The following GRK5 variants were observed in gnomAD, a reference collection of about 807,000 sequenced individuals.
GRK5 encodes g protein-coupled receptor kinase GRK5.
GRK5 carries 40 observed loss-of-function variants against 78.4 expected under a neutral mutation model. The observed-to-expected ratio is 0.51, with a 90% CI of 0.40 to 0.66. The LOEUF (loss-of-function observed/expected upper bound fraction) is 0.66. Ranked by LOEUF, GRK5 falls within the 30% of genes least tolerant of loss-of-function variation. The pLI is 0.00. For synonymous variants in GRK5, 289 were observed against 296.8 expected (o/e 0.97, Z 0.27); for missense variants, 598 against 759.9 (o/e 0.79, Z 2.50).
At chr10:119,215,109 C>T (rs973796373) in intron 1 of GRK5, among the ~76,000 whole-genome samples, 1 of 152,254 alleles carries the variant, frequency 6.6e-6, no homozygotes, top group Admixed American at 6.5e-5. Flanking sequence ...TTAAAGGTAC[C>T]TGTTCCTCTT....
chr10:119,251,453 C>G (rs1849200247), intron 1 of GRK5, among the ~76,000 whole-genome samples: 1 of 152,238 alleles, frequency 6.6e-6, no homozygotes, highest in African/African-American at 2.4e-5. Context: ...CCTGTCTTTA[C>G]TCGGAGCTGT....
At chr10:119,258,382 A>G (rs930896868) in intron 1 of GRK5, among the ~76,000 whole-genome samples, 6 of 152,238 alleles carry the variant, frequency 3.9e-5, no homozygotes, top group Non-Finnish European at 7.3e-5. Context: ...TAAAGCCACT[A>G]TAAGCATTCA....
chr10:119,335,171 T>TCTCTCTCTCTCTCTCTCTCTC (rs1564895394), intron 2 of GRK5, among the ~76,000 whole-genome samples: 1 of 126,968 alleles, frequency 7.9e-6, no homozygotes, highest in African/African-American at 3.4e-5. Context: ...TCTCTCTCTC[T>TCTCTCTCTCTCTCTCTCTCTC]CTCTCCCCCT....
At chr10:119,419,995 G>A (rs767139842) in intron 4 of GRK5, among the ~76,000 whole-genome samples, 1 of 152,120 alleles carries the variant, frequency 6.6e-6, no homozygotes, top group Non-Finnish European at 1.5e-5. Context: ...TGAGAGTGGG[G>A]CACAGGTGGC....
chr10:119,449,120 A>G (rs1853220643), intron 13 of GRK5, among the ~76,000 whole-genome samples: 2 of 152,252 alleles, frequency 1.3e-5, no homozygotes, highest in South Asian at 4.1e-4. Flanking sequence ...CTGCATCTCC[A>G]GAGAGCTCAT....
At chr10:119,219,746 G>A (rs76916711) in intron 1 of GRK5, among the ~76,000 whole-genome samples, 2,296 of 152,224 alleles carry the variant, frequency 0.015, 49 homozygotes, top group African/African-American at 0.053. Context: ...TGTTTTAGTC[G>A]TTTTGGAAGA....
rs1177874662 is a variant in GRK5 at position 119,445,921 on chromosome 10, C to G, written c.1266+2169C>G. The stretch of plus-strand genomic sequence containing the variant: ...CTTAGCAGCCGCAGAACCCACTCCC[C>G]CTCCTCTGGAGCCCAGAAATTCACA... On this transcript the variant is annotated intron_variant, in intron 12 of 15. Transcript: ENST00000392870. This position sits in a 1 kb window ranked among gnomAD's most constrained non-coding sequence, Gnocchi z 4.1. Among the ~76,000 whole-genome samples the G allele has an allele frequency of 6.7e-6, 1 of 150,324 alleles. No homozygotes were observed. The highest frequency in any genetic ancestry group is 1.5e-5 in the Non-Finnish European group (1 of 67,192).
intron 1 of GRK5, among the ~76,000 whole-genome samples, chr10:119,272,209 C>T (rs1468073652): frequency 1.3e-5 from 2 of 152,240 alleles, no homozygotes; most frequent in African/African-American, 2.4e-5. Flanking sequence ...GGTTTGCACC[C>T]TGGCCTCTGC....
intron 6 of GRK5, among the ~76,000 whole-genome samples, chr10:119,429,579 A>G (rs1054102401): frequency 6.6e-6 from 1 of 150,762 alleles, no homozygotes; most frequent in Non-Finnish European, 1.5e-5. Context: ...AAGTGCCATC[A>G]TGCCTCATGA....
chr10:119,259,253 A>T (rs568085249), intron 1 of GRK5, among the ~76,000 whole-genome samples: 1 of 150,886 alleles, frequency 6.6e-6, no homozygotes, highest in Admixed American at 6.6e-5. Flanking sequence ...TTTAGTAGAG[A>T]CGGGGTTTCA....
chr10:119,369,048 C>G (rs1851500875), intron 2 of GRK5, among the ~76,000 whole-genome samples: 1 of 152,158 alleles, frequency 6.6e-6, no homozygotes. Context: ...TGTGCTCCTG[C>G]CTGGGCCGGG....
chr10:119,280,413 C>T (rs920285779), intron 1 of GRK5, among the ~76,000 whole-genome samples: 1 of 152,148 alleles, frequency 6.6e-6, no homozygotes, highest in Non-Finnish European at 1.5e-5. Context: ...AATGTCGGCT[C>T]TCCAGCCAGC....
At chr10:119,355,326 A>ACTGCTAGTATAAATAATG (rs1851248568) in intron 2 of GRK5, among the ~76,000 whole-genome samples, 1 of 152,244 alleles carries the variant, frequency 6.6e-6, no homozygotes, top group Non-Finnish European at 1.5e-5. Context: ...TATAAATAAT[A>ACTGCTAGTATAAATAATG]CTGCTAGTAT....
chr10:119,270,847 G>A (rs1047276432), intron 1 of GRK5, among the ~76,000 whole-genome samples: 4 of 152,188 alleles, frequency 2.6e-5, no homozygotes, highest in South Asian at 2.1e-4. Context: ...GCACGTTAGT[G>A]CAAAGGAAAA....
intron 1 of GRK5, among the ~76,000 whole-genome samples, chr10:119,263,506 A>AT (rs1460531316): frequency 6.6e-6 from 1 of 152,182 alleles, no homozygotes; most frequent in Non-Finnish European, 1.5e-5. Context: ...GGGATGGATG[A>AT]TTCTTTGGCT....
At chr10:119,236,215 T>A (rs1848923004) in intron 1 of GRK5, among the ~76,000 whole-genome samples, 1 of 149,048 alleles carries the variant, frequency 6.7e-6, no homozygotes, top group Non-Finnish European at 1.5e-5. Context: ...CTACACACTA[T>A]TTTTTTTTTC....
intron 1 of GRK5, among the ~76,000 whole-genome samples, chr10:119,293,392 G>C (rs140130106): frequency 6.6e-6 from 1 of 152,158 alleles, no homozygotes; most frequent in African/African-American, 2.4e-5. Flanking sequence ...TCTACCATGG[G>C]ATAGTTGTAA....
chr10:119,450,453 G>A (rs914179258), intron 13 of GRK5, among the ~76,000 whole-genome samples: 1 of 152,198 alleles, frequency 6.6e-6, no homozygotes, highest in Non-Finnish European at 1.5e-5. Context: ...GTAGAAATAC[G>A]AGTCACAAGA....
intron 1 of GRK5, among the ~76,000 whole-genome samples, chr10:119,322,432 C>T (rs528747834): frequency 1.1e-3 from 167 of 152,324 alleles, no homozygotes; most frequent in African/African-American, 3.7e-3. Flanking sequence ...GAGGCCGTCG[C>T]TGGGGTTGGG....
Sources: gnomAD v4.1 joint callset for allele counts (sites outside exome capture counted in the v4.1 genomes callset) on GRCh38, gnomAD v4.1.1 for gene constraint, Gnocchi (gnomAD v3.1) non-coding constraint, MANE v1.5 for transcripts, NCBI Gene and HGNC (gene_info 2026-07-23, HGNC 2026-07-21) for gene names.